PRRG1: variants seen among roughly 807,000 people sequenced by gnomAD.
PRRG1 encodes the protein transmembrane gamma-carboxyglutamic acid protein 1.
A neutral mutation model predicts 11.8 loss-of-function variants in PRRG1; 5 were observed. The observed-to-expected ratio is 0.42, with a 90% CI of 0.22 to 0.89. PRRG1 has a LOEUF of 0.89. Among genes scored for constraint, PRRG1 ranks in the 40% least tolerant of loss-of-function variants. PRRG1 has a pLI of 0.28. For missense variants in PRRG1, 155 were observed against 166.1 expected, an observed-to-expected ratio of 0.93 and a Z score of 0.37; for synonymous variants, 66 against 60.4, an observed-to-expected ratio of 1.09 and a Z score of -0.43.
chrX:37,414,791 G>A (rs1398905397), intron 2 of PRRG1, among the ~76,000 whole-genome samples: 5 of 112,630 alleles, frequency 4.4e-5, no homozygotes, highest in Non-Finnish European at 7.5e-5. Context: ...TTTTGAGGCT[G>A]TATTAATGTG....
At chrX:37,382,053 C>G (rs782085272) in intron 1 of PRRG1, among the ~76,000 whole-genome samples, 9 of 111,518 alleles carry the variant, frequency 8.1e-5, no homozygotes, top group Admixed American at 1.9e-4. Context: ...GAAACATACT[C>G]CTAAAAATAT....
chrX:37,424,144 A>G (rs1163367163), intron 2 of PRRG1, among the ~76,000 whole-genome samples: 2 of 111,510 alleles, frequency 1.8e-5, no homozygotes, highest in East Asian at 2.8e-4. Context: ...TAAGTGATGC[A>G]TGACTGTTTA....
intron 1 of PRRG1, among the ~76,000 whole-genome samples, chrX:37,401,605 A>G (rs1479500198): frequency 1.8e-5 from 2 of 110,725 alleles, no homozygotes; most frequent in Non-Finnish European, 1.9e-5. Flanking sequence ...CACCACTCCT[A>G]TTCAACATAG....
At chrX:37,354,284 G>C in intron 1 of PRRG1, among the ~76,000 whole-genome samples, 1 of 112,028 alleles carries the variant, frequency 8.9e-6, no homozygotes, top group Non-Finnish European at 1.9e-5. Flanking sequence ...ATTCAGACAG[G>C]TTGGTGGAGA....
At chrX:37,354,168 G>A (rs1250827823) in intron 1 of PRRG1, among the ~76,000 whole-genome samples, 1 of 110,911 alleles carries the variant, frequency 9.0e-6, no homozygotes, top group East Asian at 2.8e-4. Context: ...CCCAAAGTTT[G>A]TGATGTCTAG....
At chrX:37,403,373 G>A (rs1449100985) in intron 1 of PRRG1, among the ~76,000 whole-genome samples, 253 of 104,849 alleles carry the variant, frequency 2.4e-3, no homozygotes, top group African/African-American at 8.3e-3. Flanking sequence ...GTAAACTATC[G>A]CAAGGACAGA....
chrX:37,425,779 C>T, intron 2 of PRRG1, 61 bp from the exon 3 acceptor site: 1 of 986,576 alleles, frequency 1.0e-6, no homozygotes, highest in East Asian at 3.2e-5. Context: ...GAGCATCTAG[C>T]AGTTTTCATC....
At position 37,456,678 on chromosome X, in the gene PRRG1, GAGTTTCTTAGCATTCGTT is replaced by G. The variant is rs1556398468; in HGVS notation, c.*3059_*3076del. The G allele has an allele frequency of 1.8e-5, 2 of 112,179 alleles. No individual in the cohort carries two copies. Among genetic ancestry groups the G allele is most frequent in the East Asian group, 5.5e-4 (2 of 3,606 alleles). 9.2% of individuals were successfully genotyped at this position (112,179 alleles called of 1,213,427 possible). Reference sequence around the variant, plus strand: ...GCTACCCCATCTGGTTTTATAAACTGAGTTTCTTAGCATTCGTTAAAATTAAGGGGTTTGTTTGGAATA... The same window carrying G: ...GCTACCCCATCTGGTTTTATAAACTGAAAATTAAGGGGTTTGTTTGGAATA... On this transcript the variant is annotated 3_prime_UTR_variant, in exon 4 of 4. Transcript: ENST00000378628.
intron 3 of PRRG1, among the ~76,000 whole-genome samples, chrX:37,432,938 G>A (rs1392284759): frequency 2.7e-5 from 3 of 111,405 alleles, no homozygotes; most frequent in Non-Finnish European, 5.6e-5. Context: ...CATCCATCAT[G>A]TTTGCTGATC....
Position 37,453,706 on chromosome X carries a change from T to C in PRRG1, c.*85T>C. 1.1e-6 allele frequency: 1 copy of C among 944,866 alleles called. No homozygotes were observed. The highest frequency in any genetic ancestry group is 3.3e-5 in the East Asian group (1 of 29,991). The allele number at this position is 944,866 out of a possible 1,213,427, so 77.9% of individuals were successfully genotyped here. ...CACTTTACCACTACATAAATGTTCA[T>C]TGACTTATTTTATTGGACTCTTACC... is the stretch of plus-strand genomic sequence containing the variant. On this transcript the variant is annotated 3_prime_UTR_variant, in exon 4 of 4. Transcript: ENST00000378628.
intron 1 of PRRG1, among the ~76,000 whole-genome samples, chrX:37,399,983 A>C (rs1192857955): frequency 9.0e-6 from 1 of 111,593 alleles, no homozygotes; most frequent in Non-Finnish European, 1.9e-5. Context: ...TTCATAAAGC[A>C]AGTCCTGAGT....
intron 2 of PRRG1, among the ~76,000 whole-genome samples, chrX:37,408,947 G>C (rs1376371769): frequency 9.0e-6 from 1 of 111,490 alleles, no homozygotes; most frequent in Non-Finnish European, 1.9e-5. Context: ...GCTTAGTTTA[G>C]AAGATGTCTC....
chrX:37,438,216 A>C (rs1932911374), intron 3 of PRRG1, among the ~76,000 whole-genome samples: 1 of 110,648 alleles, frequency 9.0e-6, no homozygotes, highest in Non-Finnish European at 1.9e-5. Context: ...ATCTCAAAAA[A>C]ATAAATAAAT....
chrX:37,453,600 T>C lies in PRRG1; in HGVS notation c.636T>C (p.Pro212=). Residue 212 remains proline (P), a synonymous_variant, in exon 4 of 4, where the codon CCT becomes CCC. Transcript: ENST00000378628. ...CAGCCAGTGCCATTCCTATGGTGCC[T>C]GTGGTCACCACCATCAAATGAAGCT... ...SNSASAIPMV[P]VVTTIK The C allele has an allele frequency of 2.5e-6, 3 of 1,181,229 alleles. No homozygotes were observed. Among genetic ancestry groups the C allele is most frequent in the Non-Finnish European group, 3.4e-6 (3 of 879,780 alleles).
intron 3 of PRRG1, among the ~76,000 whole-genome samples, chrX:37,428,475 G>A (rs1932795825): frequency 9.0e-6 from 1 of 111,665 alleles, no homozygotes; most frequent in African/African-American, 3.3e-5. Context: ...AATCCATCAA[G>A]GCAGTCAAAT....
intron 1 of PRRG1, among the ~76,000 whole-genome samples, chrX:37,394,638 T>C (rs150606762): frequency 0.038 from 4,254 of 111,252 alleles, 204 homozygotes; most frequent in African/African-American, 0.13. Context: ...AAGAGCTAGA[T>C]ATAATTGAAT....
At chrX:37,376,551 G>A (rs7891774) in intron 1 of PRRG1, among the ~76,000 whole-genome samples, 13,108 of 26,887 alleles carry the variant, frequency 0.49, 4,335 homozygotes, top group African/African-American at 0.86. Flanking sequence ...AAATGTGAGT[G>A]TATATATATA....
chrX:37,401,276 CT>C (rs1357875687), intron 1 of PRRG1, among the ~76,000 whole-genome samples: 2 of 111,003 alleles, frequency 1.8e-5, no homozygotes, highest in Non-Finnish European at 3.8e-5. Flanking sequence ...CATCAAAAAG[CT>C]TTTCCACCAT....
chrX:37,442,298 T>C, intron 3 of PRRG1: 4 of 665,563 alleles, frequency 6.0e-6, no homozygotes, highest in Non-Finnish European at 7.2e-6. Flanking sequence ...CATGCAGGCT[T>C]AAAGTAGGTA....
Sources: gnomAD v4.1 joint callset for allele counts (sites outside exome capture counted in the v4.1 genomes callset) on GRCh38, gnomAD v4.1.1 for gene constraint, MANE v1.5 for transcripts, NCBI Gene and HGNC (gene_info 2026-07-23, HGNC 2026-07-21) for gene names.